Variants in PCDHGA5 observed in about 807,000 individuals in gnomAD.
PCDHGA5 encodes the protein protocadherin gamma subfamily A, 5, also known as protocadherin gamma-A5.
PCDHGA5 carries 36 observed loss-of-function variants against 56.7 expected under a neutral mutation model. The observed-to-expected ratio is 0.64, with a 90% CI of 0.49 to 0.84. PCDHGA5 has a LOEUF of 0.84. PCDHGA5 is among the 40% of genes least tolerant of loss of function. The pLI is 0.00. For missense variants in PCDHGA5, 1,305 were observed against 1,201.5 expected (o/e 1.09, Z -1.27); for synonymous variants, 563 against 520.2 (o/e 1.08, Z -1.12).
chr5:141,435,951 G>A (rs371199258), intron 1 of PCDHGA5, among the ~76,000 whole-genome samples: 1 of 152,100 alleles, frequency 6.6e-6, no homozygotes, highest in Non-Finnish European at 1.5e-5. Context: ...ACCAAAAAAG[G>A]GGGCAAAATA....
intron 1 of PCDHGA5, among the ~76,000 whole-genome samples, chr5:141,447,321 G>C (rs148203274): frequency 3.9e-5 from 6 of 152,068 alleles, no homozygotes; most frequent in Admixed American, 6.5e-5. Flanking sequence ...TGTATTTTTA[G>C]TAGAGACGGG....
intron 2 of PCDHGA5, among the ~76,000 whole-genome samples, chr5:141,500,176 A>G (rs922155744): frequency 1.4e-5 from 2 of 145,916 alleles, no homozygotes; most frequent in Admixed American, 1.4e-4. Flanking sequence ...CATGAGCTTC[A>G]TTTTTATTTT....
intron 1 of PCDHGA5, chr5:141,409,494 C>G (rs755680835): frequency 6.2e-7 from 1 of 1,614,028 alleles, no homozygotes; most frequent in Non-Finnish European, 8.5e-7. Flanking sequence ...GGCAAGCCGC[C>G]TCTTTCTTCC....
chr5:141,416,233 C>T (rs1313671195), intron 1 of PCDHGA5: 1 of 152,210 alleles, frequency 6.6e-6, no homozygotes, highest in Non-Finnish European at 1.5e-5. Flanking sequence ...ATTTTTCCAG[C>T]CCTATTTATA....
chr5:141,510,194 G>A (rs920127442), intron 3 of PCDHGA5, among the ~76,000 whole-genome samples: 1 of 151,462 alleles, frequency 6.6e-6, no homozygotes, highest in Non-Finnish European at 1.5e-5. Context: ...AATCACTTGA[G>A]CCCAGGAGGC....
chr5:141,480,970 A>C (rs1189003084), intron 1 of PCDHGA5, among the ~76,000 whole-genome samples: 1 of 152,120 alleles, frequency 6.6e-6, no homozygotes, highest in Non-Finnish European at 1.5e-5. Flanking sequence ...AGTGAGGGAG[A>C]ATCAGTGAAC....
chr5:141,501,425 G>A (rs1444899306), intron 2 of PCDHGA5, among the ~76,000 whole-genome samples: 1 of 151,726 alleles, frequency 6.6e-6, no homozygotes, highest in Non-Finnish European at 1.5e-5. Flanking sequence ...TTGACTAAAT[G>A]TAGTCCATTT....
chr5:141,485,674 T>C lies in PCDHGA5; in HGVS notation c.2422-9133T>C. 1 of 1,612,986 alleles carries C rather than the reference T, an allele frequency of 6.2e-7. No homozygotes were observed. Among genetic ancestry groups the C allele is most frequent in the South Asian group, 1.1e-5 (1 of 91,072 alleles). Reference sequence around the variant, plus strand: ...ATGCAGATGTGGGGAGCAATTCGATTAGCAGCTATAGGCTGAGCTCCAATG... The same window carrying C: ...ATGCAGATGTGGGGAGCAATTCGATCAGCAGCTATAGGCTGAGCTCCAATG... On this transcript the variant is annotated intron_variant, in intron 1 of 3. Transcript: ENST00000518069. This position sits in a 1 kb window ranked among gnomAD's most constrained non-coding sequence, Gnocchi z 5.7.
chr5:141,372,789 A>G (rs1769071536), intron 1 of PCDHGA5: 2 of 1,601,162 alleles, frequency 1.2e-6, no homozygotes, highest in Non-Finnish European at 8.5e-7. Flanking sequence ...AATGCCTTCT[A>G]ATTCAGGCAA....
intron 1 of PCDHGA5, chr5:141,441,954 CA>C (rs1240871171): frequency 3.1e-6 from 1 of 319,488 alleles, no homozygotes; most frequent in Non-Finnish European, 6.0e-6. Flanking sequence ...TGCAGGCCAG[CA>C]AGCCCAGGCT....
chr5:141,374,951 C>G (rs780549456), intron 1 of PCDHGA5: 22 of 1,613,900 alleles, frequency 1.4e-5, no homozygotes, highest in Admixed American at 1.7e-5. Context: ...AAAGATCTCA[C>G]AAATTTTCTG....
In PCDHGA5 at chr5:141,432,931, G is replaced by A. The variant is rs2097550450; in HGVS notation, c.2422-61876G>A. The A allele has an allele frequency of 6.2e-7, 1 of 1,614,198 alleles. No individual in the cohort carries two copies. The highest frequency in any genetic ancestry group is 2.2e-5 in the East Asian group (1 of 44,864). Reference sequence around the variant, plus strand: ...TGCGGCGCTGGCACAAGTCACGCCTGCTGCAGGCTTCAGGAGGCGGCTTGA... The same window carrying A: ...TGCGGCGCTGGCACAAGTCACGCCTACTGCAGGCTTCAGGAGGCGGCTTGA... On this transcript the variant is annotated intron_variant, in intron 1 of 3. Transcript: ENST00000518069. The surrounding 1 kb of genome is among the most constrained non-coding windows in gnomAD (Gnocchi z 6.0).
intron 3 of PCDHGA5, among the ~76,000 whole-genome samples, chr5:141,508,624 G>A (rs552418899): frequency 3.3e-5 from 5 of 152,256 alleles, no homozygotes; most frequent in African/African-American, 9.6e-5. Context: ...TGGGTGGGCC[G>A]AGCTTCTAGC....
chr5:141,460,142 G>A (rs932507660), intron 1 of PCDHGA5, among the ~76,000 whole-genome samples: 5 of 151,950 alleles, frequency 3.3e-5, no homozygotes, highest in African/African-American at 1.2e-4. Flanking sequence ...TATTCTTGAT[G>A]TGAGCTCTTT....
intron 1 of PCDHGA5, chr5:141,398,937 C>G: frequency 6.2e-7 from 1 of 1,613,902 alleles, no homozygotes; most frequent in Non-Finnish European, 8.5e-7. Context: ...CTGACCAAGA[C>G]GAGGGCATCA....
chr5:141,435,940 G>A (rs2097787697), intron 1 of PCDHGA5, among the ~76,000 whole-genome samples: 1 of 152,066 alleles, frequency 6.6e-6, no homozygotes, highest in Admixed American at 6.5e-5. Flanking sequence ...CTGCTTCTGA[G>A]ACCAAAAAAG....
intron 1 of PCDHGA5, chr5:141,376,676 G>GGTTTTTTTTT (rs1773026765): frequency 3.6e-6 from 1 of 275,812 alleles, no homozygotes; most frequent in Middle Eastern, 1.2e-3. Context: ...TGAGGGTATC[G>GGTTTTTTTTT]TTTTTTTTTT....
intron 1 of PCDHGA5, among the ~76,000 whole-genome samples, chr5:141,401,296 C>G (rs2094138441): frequency 6.6e-6 from 1 of 152,104 alleles, no homozygotes; most frequent in African/African-American, 2.4e-5. Flanking sequence ...GAGCCGAGAT[C>G]ACTCCATTGC....
rs2150230162 is a variant in PCDHGA5, at chr5:141,383,367, G to T, written c.2421+16616G>T. The T allele has an allele frequency of 1.9e-6, 3 of 1,614,030 alleles. No individual in the cohort carries two copies. The East Asian group carries it at 6.7e-5, about 36-fold the overall frequency. ...CTGGGGTTCGGTTTCCGTTAAGCGA[G>T]GCTGGGGATCCAGATGTGGGCACGA... On this transcript the variant is annotated intron_variant, in intron 1 of 3. Transcript: ENST00000518069.
Sources: gnomAD v4.1 joint callset for allele counts (sites outside exome capture counted in the v4.1 genomes callset) on GRCh38, gnomAD v4.1.1 for gene constraint, Gnocchi (gnomAD v3.1) non-coding constraint, MANE v1.5 for transcripts, NCBI Gene and HGNC (gene_info 2026-07-23, HGNC 2026-07-21) for gene names.